Variants in MMP12 observed in about 807,000 individuals in gnomAD.
The protein encoded by MMP12 is matrix metallopeptidase 12, also known as macrophage metalloelastase.
A neutral mutation model predicts 45.2 loss-of-function variants in MMP12; 51 were observed. The observed-to-expected ratio is 1.13, with a 90% CI of 0.90 to 1.42. The LOEUF is 1.42. Among genes scored for constraint, MMP12 ranks in the 40% most tolerant of loss-of-function variants. MMP12 has a pLI of 0.00. For synonymous variants in MMP12, 210 were observed against 193.3 expected (o/e 1.09, Z -0.72); for missense variants, 530 against 570.8 (o/e 0.93, Z 0.73).
At chr11:102,866,244 G>C (rs1565232643) in intron 7 of MMP12, 71 bp downstream of exon 7, 1 of 1,397,516 alleles carries the variant, frequency 7.2e-7, no homozygotes, top group Non-Finnish European at 9.6e-7. Flanking sequence ...CTATTAAAAA[G>C]TAGTAGTCTC....
At chr11:102,869,998 A>T (rs1313252699) in intron 4 of MMP12, among the ~76,000 whole-genome samples, 2 of 152,192 alleles carry the variant, frequency 1.3e-5, no homozygotes, top group Non-Finnish European at 2.9e-5. Context: ...TGTCATAAAT[A>T]ACTTCACTTT....
rs28381687 is a variant in MMP12 at position 102,865,556 on chromosome 11, T to TAA, written c.1205+218_1205+219dup. ...TGACATTTTATTTAGAGTGTTTTTT[T>TAA]AAAAAAAAACACACATTATCTACTA... is the stretch of plus-strand genomic sequence containing the variant. On this transcript the variant is annotated intron_variant, in intron 8 of 9. Transcript: ENST00000571244. This position sits in a 1 kb window ranked among gnomAD's most constrained non-coding sequence, Gnocchi z 4.1. Among the ~76,000 whole-genome samples the TAA allele has an allele frequency of 4.6e-5, 7 of 151,344 alleles. No individual in the cohort carries two copies. Among genetic ancestry groups the TAA allele is most frequent in the African/African-American group, 1.5e-4 (6 of 41,164 alleles).
At chr11:102,869,739 C>T (rs1413296033) in intron 4 of MMP12, among the ~76,000 whole-genome samples, 2 of 150,342 alleles carry the variant, frequency 1.3e-5, no homozygotes, top group Non-Finnish European at 3.0e-5. Context: ...GGTGAAACCC[C>T]GTCTCTGCCA....
rs1217152294 is a variant in MMP12 at position 102,871,528 on chromosome 11, G to T, written c.625+66C>A. 2.6e-6 allele frequency: 4 copies of T among 1,525,428 alleles called. No individual in the cohort carries two copies. In the African/African-American group the frequency reaches 4.2e-5, roughly 16 times the overall value. 94.5% of individuals were successfully genotyped at this position (1,525,428 alleles called of 1,614,324 possible). On this transcript the variant is annotated intron_variant, in intron 4 of 9. Coordinates refer to ENST00000571244, the MANE Select transcript of MMP12 (RefSeq NM_002426.6). ...GAAACCAGAATTTTGAATTTGTTAGGGTTTTTGTTGTTTTCCTTTCCTGTT... is the reference window on the plus strand; with the variant it reads ...GAAACCAGAATTTTGAATTTGTTAGTGTTTTTGTTGTTTTCCTTTCCTGTT...
chr11:102,868,544 A>C (rs927696786), intron 4 of MMP12, among the ~76,000 whole-genome samples: 5 of 152,204 alleles, frequency 3.3e-5, no homozygotes, highest in Admixed American at 1.3e-4. Flanking sequence ...TAGATATAGA[A>C]AAAAATGTCT....
chr11:102,866,589 A>C, intron 6 of MMP12, 141 bp from the exon 7 acceptor site: 2 of 844,400 alleles, frequency 2.4e-6, no homozygotes, highest in Non-Finnish European at 3.7e-6. Context: ...TCTGATGTTC[A>C]TGGATCCACA....
Position 102,867,278 on chromosome 11 carries a change from G to T in MMP12, c.903C>A (p.Phe301Leu). 1 of 1,595,064 alleles carries T rather than the reference G, an allele frequency of 6.3e-7. No homozygotes were observed. ...TATGAAAATGATCCTACCTGTCTTT[G>T]AAGAAAAAGATCTTATTTCCCACGG... Reference protein sequence around the residue: ...VTTVGNKIFFFKDRFFWLKVS... With the variant: ...VTTVGNKIFFLKDRFFWLKVS... The change falls in exon 6 of 10, where the codon TTC becomes TTA. Residue 301 changes from phenylalanine to leucine, a missense_variant. Phe to Leu is a conservative substitution (Grantham distance 22). Coordinates refer to ENST00000571244, the MANE Select transcript of MMP12 (RefSeq NM_002426.6).
Position 102,865,875 on chromosome 11 carries a change from T to C in MMP12, c.1106A>G (p.His369Arg), listed in dbSNP as rs376236984. ...CACAAAGTTAGGAAAACCAAAAGAA[T>C]GTATGCTCTTGGGATAATTTGGCTC... ...RPEPNYPKSI[H>R]SFGFPNFVKK... The change falls in exon 8 of 10, where the codon CAT (histidine) becomes CGT (arginine). Residue 369 changes from histidine (H) to arginine (R), a missense_variant. Coordinates refer to ENST00000571244, the MANE Select transcript of MMP12 (RefSeq NM_002426.6). The surrounding 1 kb of genome is among the most constrained non-coding windows in gnomAD (Gnocchi z 4.1). The C allele has an allele frequency of 1.1e-5, 18 of 1,613,114 alleles. No individual in the cohort carries two copies. The highest frequency in any genetic ancestry group is 1.4e-5 in the Non-Finnish European group (17 of 1,179,344).
At chr11:102,869,161 CT>C (rs2134421184) in intron 4 of MMP12, among the ~76,000 whole-genome samples, 1 of 152,248 alleles carries the variant, frequency 6.6e-6, no homozygotes, top group East Asian at 1.9e-4. Flanking sequence ...TCATTTTTGT[CT>C]TTTTCTATGA....
rs1555008018 is a variant in MMP12, at chr11:102,863,053, C to T, written c.*47G>A. On this transcript the variant is annotated 3_prime_UTR_variant, in exon 10 of 10. Coordinates refer to ENST00000571244, the MANE Select transcript of MMP12 (RefSeq NM_002426.6). ...GGACATAGCAAATATGCAATAAATA[C>T]TTATTAAGCTGAAGTGAACTAACAA... 15 of 1,241,402 alleles carry T rather than the reference C, an allele frequency of 1.2e-5. No individual in the cohort carries two copies. Among genetic ancestry groups the T allele is most frequent in the Non-Finnish European group, 1.7e-5 (15 of 858,426 alleles). 76.9% of individuals were successfully genotyped at this position (1,241,402 alleles called of 1,614,324 possible). A position where few individuals can be genotyped will look rare whatever the true frequency, so the allele number is the denominator to read the frequency against.
At chr11:102,869,748 CAA>C (rs782127782) in intron 4 of MMP12, among the ~76,000 whole-genome samples, 9 of 115,112 alleles carry the variant, frequency 7.8e-5, no homozygotes, top group South Asian at 2.7e-4. Context: ...CCGTCTCTGC[CAA>C]AAAAAAAAAA....
At chr11:102,871,066 ATAAAAAAT>A (rs1859484564) in intron 4 of MMP12, among the ~76,000 whole-genome samples, 1 of 152,108 alleles carries the variant, frequency 6.6e-6, no homozygotes, top group Non-Finnish European at 1.5e-5. Flanking sequence ...TCCTGTCCCT[ATAAAAAAT>A]TAAAAAATTA....
intron 4 of MMP12, among the ~76,000 whole-genome samples, chr11:102,870,746 C>T (rs1402189921): frequency 1.3e-5 from 2 of 152,138 alleles, no homozygotes; most frequent in Non-Finnish European, 2.9e-5. Context: ...TTCAGTTGGG[C>T]ATTCTGAAAT....
chr11:102,871,216 C>G (rs28381669), intron 4 of MMP12, among the ~76,000 whole-genome samples: 6,208 of 151,848 alleles, frequency 0.041, 526 homozygotes, highest in East Asian at 0.31. Context: ...AGTGACAGAG[C>G]AAGACCTTGT....
Position 102,865,979 on chromosome 11 carries a change from G to T in MMP12, c.1046-44C>A. 7.1e-7 allele frequency: 1 copy of T among 1,416,206 alleles called. No homozygotes were observed. The highest frequency in any genetic ancestry group is 1.3e-5 in the South Asian group (1 of 77,944). 87.7% of individuals were successfully genotyped at this position (1,416,206 alleles called of 1,614,324 possible). On this transcript the variant is annotated intron_variant, in intron 7 of 9. Transcript: ENST00000571244. This position sits in a 1 kb window ranked among gnomAD's most constrained non-coding sequence, Gnocchi z 4.1. ...AGGGTAAATTTGAATTATACAGGAA[G>T]AGTAATAAGAAAATATTGATTTACT...
Position 102,862,978 on chromosome 11 carries a change from T to C in MMP12, c.*122A>G, listed in dbSNP as rs1008829932. ...TATTTTATATAATCATTACCTATGGTTTACAGATTTTATTTTTATGATACA... is the reference window on the plus strand; with the variant it reads ...TATTTTATATAATCATTACCTATGGCTTACAGATTTTATTTTTATGATACA... On this transcript the variant is annotated 3_prime_UTR_variant, in exon 10 of 10. Coordinates refer to ENST00000571244, the MANE Select transcript of MMP12 (RefSeq NM_002426.6). 1 of 548,286 alleles carries C rather than the reference T, an allele frequency of 1.8e-6. No individual in the cohort carries two copies. The highest frequency in any genetic ancestry group is 3.1e-6 in the Non-Finnish European group (1 of 318,842). The allele number at this position is 548,286 out of a possible 1,614,324, so 34.0% of individuals were successfully genotyped here. A position where few individuals can be genotyped will look rare whatever the true frequency, so the allele number is the denominator to read the frequency against.
At chr11:102,864,096 A>G in intron 9 of MMP12, 50 bp downstream of exon 9, 1 of 1,334,028 alleles carries the variant, frequency 7.5e-7, no homozygotes, top group Middle Eastern at 1.8e-4. Flanking sequence ...GAGGATTTAT[A>G]GCTTTGAAAT....
intron 9 of MMP12, 143 bp downstream of exon 9, chr11:102,864,003 C>T: frequency 3.1e-6 from 2 of 653,148 alleles, no homozygotes; most frequent in Non-Finnish European, 2.7e-6. Flanking sequence ...GAGCCACGTA[C>T]AGTGTGAGTT....
In MMP12 at chr11:102,872,897, C is replaced by A. The variant is rs782665623; in HGVS notation, c.318G>T (p.Gly106=). 1.9e-6 allele frequency: 3 copies of A among 1,613,644 alleles called. No homozygotes were observed. Among genetic ancestry groups the A allele is most frequent in the South Asian group, 1.1e-5 (1 of 91,024 alleles). ...TGATATAATGTTTCCTCCATACGGG[C>A]CCCCCTGGCATTTCCCTGAAATGAT... ...DVHHFREMPG[G]PVWRKHYITY... The change falls in exon 2 of 10, where the codon GGG becomes GGT. Residue 106 remains glycine, a synonymous_variant. Coordinates refer to ENST00000571244, the MANE Select transcript of MMP12 (RefSeq NM_002426.6).
Sources: gnomAD v4.1 joint callset for allele counts (sites outside exome capture counted in the v4.1 genomes callset) on GRCh38, gnomAD v4.1.1 for gene constraint, Gnocchi (gnomAD v3.1) non-coding constraint, MANE v1.5 for transcripts, NCBI Gene and HGNC (gene_info 2026-07-23, HGNC 2026-07-21) for gene names.